RXRB: variants seen among roughly 807,000 people sequenced by gnomAD.
RXRB encodes retinoid X receptor beta.
A neutral mutation model predicts 52.5 loss-of-function variants in RXRB; 18 were observed. The ratio of observed to expected loss-of-function variants is 0.34; its 90% CI spans 0.24 to 0.51. The LOEUF is 0.51. Ranked by LOEUF, RXRB falls within the 20% of genes least tolerant of loss-of-function variation. The pLI, the probability that RXRB is intolerant of heterozygous loss-of-function variation, is 0.97. For synonymous variants in RXRB, 233 were observed against 267.1 expected, an observed-to-expected ratio of 0.87 and a Z score of 1.25; for missense variants, 455 against 698.2, an observed-to-expected ratio of 0.65 and a Z score of 3.92.
chr6:33,194,458 C>A lies in RXRB; in HGVS notation c.*224G>T. On this transcript the variant is annotated 3_prime_UTR_variant, in exon 10 of 10. Transcript: ENST00000374680. This position sits in a 1 kb window ranked among gnomAD's most constrained non-coding sequence, Gnocchi z 4.1. ...GGAGAACCCGACAAATTCAGAGACT[C>A]AAGGCCACCGAAGAGAGACAACCAG... is the stretch of plus-strand genomic sequence containing the variant. 1.9e-6 allele frequency: 1 copy of A among 522,480 alleles called. No homozygotes were observed. 32.4% of individuals were successfully genotyped at this position (522,480 alleles called of 1,614,324 possible). A position where few individuals can be genotyped will look rare whatever the true frequency, so the allele number is the denominator to read the frequency against.
chr6:33,198,323 C>T lies in RXRB; in HGVS notation c.625G>A (p.Gly209Arg), dbSNP rs1354956520. 3 of 1,613,060 alleles carry T rather than the reference C, an allele frequency of 1.9e-6. No individual in the cohort carries two copies. The highest frequency in any genetic ancestry group is 2.5e-6 in the Non-Finnish European group (3 of 1,180,014). ...AGCCACATACCTGAGCTTCTGTCCC[C>T]GCAGATTGCACATAGCCGTTTGCCA... Reference protein sequence around the residue: ...GAGKRLCAICGDRSSGKHYGV... With the variant: ...GAGKRLCAICRDRSSGKHYGV... The change falls in exon 3 of 10, where the codon GGG (glycine) becomes AGG (arginine). Residue 209 changes from glycine to arginine, a missense_variant. Coordinates refer to ENST00000374680, the MANE Select transcript of RXRB (RefSeq NM_021976.5).
At position 33,197,235 on chromosome 6, in the gene RXRB, G is replaced by A. The variant is rs1187002620; in HGVS notation, c.820+527C>T. On this transcript the variant is annotated intron_variant, in intron 4 of 9. Coordinates refer to ENST00000374680, the MANE Select transcript of RXRB (RefSeq NM_021976.5). This position sits in a 1 kb window ranked among gnomAD's most constrained non-coding sequence, Gnocchi z 4.4. ...ATGACCTTGGGAAAGCCAAGCCTCA[G>A]GCTCATCTTCTCTAAAGTGGGTGTT... 6.6e-6 allele frequency among the ~76,000 whole-genome samples: 1 copy of A among 152,176 alleles called. No individual in the cohort carries two copies. The highest frequency in any genetic ancestry group is 1.5e-5 in the Non-Finnish European group (1 of 68,034).
In RXRB at chr6:33,197,736, G is replaced by A. The variant is rs776499483; in HGVS notation, c.820+26C>T. ...TAAGGGAGAAGGGCATGTGGTCTAA[G>A]ACGCCTGGGCAGGGCGGGTCCTTAC... is the stretch of plus-strand genomic sequence containing the variant. On this transcript the variant is annotated intron_variant, in intron 4 of 9. Coordinates refer to ENST00000374680, the MANE Select transcript of RXRB (RefSeq NM_021976.5). The surrounding 1 kb of genome is among the most constrained non-coding windows in gnomAD (Gnocchi z 4.4). 3 of 1,611,726 alleles carry A rather than the reference G, an allele frequency of 1.9e-6. No individual in the cohort carries two copies. In the East Asian group the frequency reaches 6.7e-5, roughly 36 times the overall value.
At position 33,197,048 on chromosome 6, in the gene RXRB, A is replaced by C. The variant is rs1225282771; in HGVS notation, c.821-442T>G. Among the ~76,000 whole-genome samples, 6 of 152,318 alleles carry C rather than the reference A, an allele frequency of 3.9e-5. No individual in the cohort carries two copies. Among genetic ancestry groups the C allele is most frequent in the African/African-American group, 7.2e-5 (3 of 41,570 alleles). The stretch of plus-strand genomic sequence containing the variant: ...GGGTTCAAAGAGATTAGTTTGCTTA[A>C]ATTCATATAATACATGGCAGGTCAT... On this transcript the variant is annotated intron_variant, in intron 4 of 9. Coordinates refer to ENST00000374680, the MANE Select transcript of RXRB (RefSeq NM_021976.5). This position sits in a 1 kb window ranked among gnomAD's most constrained non-coding sequence, Gnocchi z 4.4.
At position 33,195,557 on chromosome 6, in the gene RXRB, G is replaced by C; in HGVS notation, c.1256+13C>G. The C allele has an allele frequency of 6.2e-7, 1 of 1,613,038 alleles. No homozygotes were observed. The highest frequency in any genetic ancestry group is 1.1e-5 in the South Asian group (1 of 91,084). ...CCTCTATCTACATGCCAGCCTAGCC[G>C]AGGGCCACTGACCGATCAAAGATGG... On this transcript the variant is annotated intron_variant, in intron 7 of 9. Transcript: ENST00000374680. The surrounding 1 kb of genome is among the most constrained non-coding windows in gnomAD (Gnocchi z 8.6).
chr6:33,198,641 A>C, intron 2 of RXRB, 177 bp from the exon 3 acceptor site: 2 of 720,278 alleles, frequency 2.8e-6, no homozygotes, highest in South Asian at 3.0e-5. Context: ...CCCAAAGTGA[A>C]TAAACAGGCC....
Position 33,195,161 on chromosome 6 carries a change from T to A in RXRB, c.1349-111A>T. 1.1e-6 allele frequency: 1 copy of A among 871,234 alleles called. No homozygotes were observed. 54.0% of individuals were successfully genotyped at this position (871,234 alleles called of 1,614,324 possible). ...CTTTTGGGCTGCACTTGCTTGCCCT[T>A]TACCAGAGGCCTGGCAAGGGAAGCA... On this transcript the variant is annotated intron_variant, in intron 8 of 9. Coordinates refer to ENST00000374680, the MANE Select transcript of RXRB (RefSeq NM_021976.5). The surrounding 1 kb of genome is among the most constrained non-coding windows in gnomAD (Gnocchi z 8.6).
rs776043869 is a variant in RXRB at position 33,198,421 on chromosome 6, G to T, written c.527C>A (p.Pro176His). Reference protein sequence around the residue: ...VSLPGGGSGPPEDVKPPVLGV... With the variant: ...VSLPGGGSGPHEDVKPPVLGV... ...TAAGACTGGTGGCTTCACATCTTCAGGGGGGCCAGACCCACCCCCAGGGAG... is the reference window on the plus strand; with the variant it reads ...TAAGACTGGTGGCTTCACATCTTCATGGGGGCCAGACCCACCCCCAGGGAG... The change falls in exon 3 of 10, where the codon CCT becomes CAT. Residue 176 changes from proline to histidine, a missense_variant. Transcript: ENST00000374680. 1 of 1,611,940 alleles carries T rather than the reference G, an allele frequency of 6.2e-7. No individual in the cohort carries two copies. The highest frequency in any genetic ancestry group is 1.1e-5 in the South Asian group (1 of 90,972).
At position 33,197,275 on chromosome 6, in the gene RXRB, C is replaced by T. The variant is rs1773983541; in HGVS notation, c.820+487G>A. Among the ~76,000 whole-genome samples the T allele has an allele frequency of 6.6e-6, 1 of 152,190 alleles. No homozygotes were observed. Among genetic ancestry groups the T allele is most frequent in the African/African-American group, 2.4e-5 (1 of 41,446 alleles). On this transcript the variant is annotated intron_variant, in intron 4 of 9. Transcript: ENST00000374680. The surrounding 1 kb of genome is among the most constrained non-coding windows in gnomAD (Gnocchi z 4.4). The stretch of plus-strand genomic sequence containing the variant: ...AAGTGGGTGTTTTGACCAAGATATG[C>T]TCTAAAGTGTCTCTCAGAATCCTAG...
intron 1 of RXRB, chr6:33,199,851 G>A (rs978291896): frequency 2.4e-5 from 14 of 595,228 alleles, no homozygotes; most frequent in South Asian, 1.5e-4. Context: ...GGGGCAGCAC[G>A]TGGGGTAGAC....
chr6:33,196,395 C>T lies in RXRB; in HGVS notation c.993+39G>A, dbSNP rs376545593. The T allele has an allele frequency of 1.6e-5, 25 of 1,599,368 alleles. No homozygotes were observed. The highest frequency in any genetic ancestry group is 2.1e-5 in the Non-Finnish European group (24 of 1,167,796). ...ACAGACCTAGACTGCCTCCCCCAAC[C>T]CCCATCACGAAGGAGAGTGGATTGA... On this transcript the variant is annotated intron_variant, in intron 5 of 9. Transcript: ENST00000374680. This position sits in a 1 kb window ranked among gnomAD's most constrained non-coding sequence, Gnocchi z 4.0.
chr6:33,196,628 A>G lies in RXRB; in HGVS notation c.821-22T>C, dbSNP rs1244028549. The G allele has an allele frequency of 6.4e-7, 1 of 1,565,754 alleles. No individual in the cohort carries two copies. Among genetic ancestry groups the G allele is most frequent in the East Asian group, 2.3e-5 (1 of 44,424 alleles). ...ACCGCTGCAGGGGGAAGGGGGAGAG[A>G]AAAAATGGAAAGTCAGCAGCCAGCC... On this transcript the variant is annotated intron_variant, in intron 4 of 9. Transcript: ENST00000374680. This position sits in a 1 kb window ranked among gnomAD's most constrained non-coding sequence, Gnocchi z 4.0.
In RXRB at chr6:33,200,654, T is replaced by C; in HGVS notation, c.-178A>G. The C allele has an allele frequency of 6.5e-7, 1 of 1,531,910 alleles. No individual in the cohort carries two copies. Among genetic ancestry groups the C allele is most frequent in the Non-Finnish European group, 8.8e-7 (1 of 1,138,974 alleles). 94.9% of individuals were successfully genotyped at this position (1,531,910 alleles called of 1,614,324 possible). A position where few individuals can be genotyped will look rare whatever the true frequency, so the allele number is the denominator to read the frequency against. The stretch of plus-strand genomic sequence containing the variant: ...ACAGCGCCAATGTGGCAGCCATCTT[T>C]GTACAGACGGGAAGTCTCGGCGCGA... On this transcript the variant is annotated 5_prime_UTR_variant, in exon 1 of 10. Coordinates refer to ENST00000374680, the MANE Select transcript of RXRB (RefSeq NM_021976.5). This position sits in a 1 kb window ranked among gnomAD's most constrained non-coding sequence, Gnocchi z 6.3.
In RXRB at chr6:33,195,169, G is replaced by A. The variant is rs1043379989; in HGVS notation, c.1349-119C>T. The A allele has an allele frequency of 2.3e-5, 19 of 829,424 alleles. No homozygotes were observed. The South Asian group carries it at 2.5e-4, about 11-fold the overall frequency. 51.4% of individuals were successfully genotyped at this position (829,424 alleles called of 1,614,324 possible). ...CTGCACTTGCTTGCCCTTTACCAGA[G>A]GCCTGGCAAGGGAAGCAGGGCCCAC... is the stretch of plus-strand genomic sequence containing the variant. On this transcript the variant is annotated intron_variant, in intron 8 of 9. Coordinates refer to ENST00000374680, the MANE Select transcript of RXRB (RefSeq NM_021976.5). This position sits in a 1 kb window ranked among gnomAD's most constrained non-coding sequence, Gnocchi z 8.6.
Position 33,200,535 on chromosome 6 carries a change from G to A in RXRB, c.-59C>T, listed in dbSNP as rs953631866. ...TCCCAGGGATTCCCAAGGATTGATC[G>A]GAGGATTAGCTGAGCACGAGGAAGC... On this transcript the variant is annotated 5_prime_UTR_variant, in exon 1 of 10. Transcript: ENST00000374680. The surrounding 1 kb of genome is among the most constrained non-coding windows in gnomAD (Gnocchi z 6.3). 3.9e-6 allele frequency: 6 copies of A among 1,525,676 alleles called. No individual in the cohort carries two copies. In the African/African-American group the frequency reaches 6.8e-5, roughly 17 times the overall value. The allele number at this position is 1,525,676 out of a possible 1,614,324, so 94.5% of individuals were successfully genotyped here.
intron 1 of RXRB, chr6:33,199,660 T>C: frequency 4.1e-6 from 2 of 490,156 alleles, no homozygotes; most frequent in South Asian, 5.6e-5. Context: ...CTAAAATTGG[T>C]ATACAACCTC....
rs149010851 is a variant in RXRB, at chr6:33,199,739, G to T, written c.236-323C>A. On this transcript the variant is annotated intron_variant, in intron 1 of 9. Coordinates refer to ENST00000374680, the MANE Select transcript of RXRB (RefSeq NM_021976.5). ...AACTCCTCATTGTGGTGAGAGGAGG[G>T]AGTTGACAAGGAGAGGAGGATAGTT... 961 of 430,200 alleles carry T rather than the reference G, an allele frequency of 2.2e-3. 9 individuals carry two copies. Among genetic ancestry groups the T allele is most frequent in the Middle Eastern group, 0.018 (26 of 1,446 alleles). The allele number at this position is 430,200 out of a possible 1,614,324, so 26.6% of individuals were successfully genotyped here. A position where few individuals can be genotyped will look rare whatever the true frequency, so the allele number is the denominator to read the frequency against.
In RXRB at chr6:33,200,428, C is replaced by G; in HGVS notation, c.49G>C (p.Gly17Arg). The G allele has an allele frequency of 6.3e-7, 1 of 1,587,028 alleles. No homozygotes were observed. The highest frequency in any genetic ancestry group is 8.6e-7 in the Non-Finnish European group (1 of 1,168,726). ...CGCACCCCCACCGGCCCACACTGCC[C>G]TGCGGCATGCCGCTGAGGGAGGAAG... Reference protein sequence around the residue: ...PPFLPQRHAAGQCGPVGVRKE... With the variant: ...PPFLPQRHAARQCGPVGVRKE... The change falls in exon 1 of 10, where the codon GGG becomes CGG. Residue 17 changes from glycine to arginine, a missense_variant. This residue lies in a region of RXRB where 225 missense variants were observed against 258.6 expected (regional missense o/e 0.87). Transcript: ENST00000374680. The surrounding 1 kb of genome is among the most constrained non-coding windows in gnomAD (Gnocchi z 6.3).
intron 1 of RXRB, 55 bp from the exon 2 acceptor site, chr6:33,199,471 AAAAG>A: frequency 8.0e-7 from 1 of 1,247,820 alleles, no homozygotes; most frequent in Non-Finnish European, 1.0e-6. Flanking sequence ...AAGAGACAAA[AAAAG>A]AAAATGAGTC....
Sources: gnomAD v4.1 joint callset for allele counts (sites outside exome capture counted in the v4.1 genomes callset) on GRCh38, gnomAD v4.1.1 for gene constraint, gnomAD v4.1.1 regional missense constraint, Gnocchi (gnomAD v3.1) non-coding constraint, MANE v1.5 for transcripts, NCBI Gene and HGNC (gene_info 2026-07-23, HGNC 2026-07-21) for gene names.